CNTNAP4: variants seen among roughly 807,000 people sequenced by gnomAD.
CNTNAP4 encodes the protein contactin associated protein family member 4.
In CNTNAP4, 98 loss-of-function variants were observed where a neutral mutation model predicts 148.4. The ratio of observed to expected loss-of-function variants is 0.66; its 90% CI spans 0.56 to 0.78. The LOEUF (loss-of-function observed/expected upper bound fraction) is 0.78. Among genes scored for constraint, CNTNAP4 ranks in the 30% least tolerant of loss-of-function variants. The probability of loss-of-function intolerance (pLI) is 0.00; values close to 1 mark genes in which losing one functional copy is unlikely to be tolerated. For synonymous variants in CNTNAP4, 730 were observed against 565.1 expected (o/e 1.29, Z -4.14); for missense variants, 1,935 against 1,565.6 (o/e 1.24, Z -3.98).
intron 15 of CNTNAP4, among the ~76,000 whole-genome samples, chr16:76,502,958 C>G (rs922685980): frequency 2.2e-4 from 33 of 152,060 alleles, no homozygotes; most frequent in African/African-American, 7.2e-4. Context: ...ACTGTTGGAC[C>G]TACTAGTACC....
chr16:76,545,214 CA>C (rs1449803706), intron 21 of CNTNAP4, among the ~76,000 whole-genome samples: 2 of 152,176 alleles, frequency 1.3e-5, no homozygotes, highest in Non-Finnish European at 2.9e-5. Flanking sequence ...ATTAAAATGT[CA>C]TAGACTGTCT....
At chr16:76,345,362 C>A (rs1964815727) in intron 2 of CNTNAP4, among the ~76,000 whole-genome samples, 1 of 152,164 alleles carries the variant, frequency 6.6e-6, no homozygotes, top group Admixed American at 6.5e-5. Flanking sequence ...TCATGGAAAA[C>A]ACATTGTTTT....
chr16:76,370,832 G>A (rs13337026), intron 3 of CNTNAP4, among the ~76,000 whole-genome samples: 24 of 152,172 alleles, frequency 1.6e-4, no homozygotes, highest in African/African-American at 4.3e-4. Context: ...AAAGAAAATA[G>A]ATCAATATTT....
intron 15 of CNTNAP4, among the ~76,000 whole-genome samples, chr16:76,502,865 G>A (rs1022861818): frequency 1.3e-5 from 2 of 151,942 alleles, no homozygotes; most frequent in African/African-American, 4.8e-5. Flanking sequence ...TCACACAAAC[G>A]AGAGATATTG....
chr16:76,540,696 T>A lies in CNTNAP4; in HGVS notation c.3355-7T>A, dbSNP rs755278439. On this transcript the variant is annotated splice_region_variant and splice_polypyrimidine_tract_variant and intron_variant, in intron 20 of 23. Coordinates refer to ENST00000611870, the MANE Select transcript of CNTNAP4 (RefSeq NM_033401.5). ...GGATGTTTTTATCTTGTGTAATAAT[T>A]TTGTAGATTGACGATAATAGAAGGA... 1.5e-5 allele frequency: 24 copies of A among 1,550,286 alleles called. No individual in the cohort carries two copies. In the South Asian group the frequency reaches 2.6e-4, roughly 17 times the overall value.
intron 12 of CNTNAP4, among the ~76,000 whole-genome samples, chr16:76,482,329 C>T (rs760906932): frequency 1.3e-5 from 2 of 151,792 alleles, no homozygotes; most frequent in African/African-American, 2.4e-5. Context: ...CCAAAAATAA[C>T]GACACAGTTT....
At chr16:76,548,295 C>CTTTTT (rs66981960) in intron 21 of CNTNAP4, among the ~76,000 whole-genome samples, 9 of 92,876 alleles carry the variant, frequency 9.7e-5, no homozygotes, top group Non-Finnish European at 1.7e-4. Flanking sequence ...TTCACTGCAC[C>CTTTTT]TTTTTTTTTT....
Position 76,312,779 on chromosome 16 carries a change from G to A in CNTNAP4, c.86-3634G>A, listed in dbSNP as rs533634389. On this transcript the variant is annotated intron_variant, in intron 1 of 23. Transcript: ENST00000611870. The stretch of plus-strand genomic sequence containing the variant: ...TCACAATGAGAAGAGCAAATTAATC[G>A]AACTGTGTTCAATGATCTCATCTGC... 7.2e-5 allele frequency among the ~76,000 whole-genome samples: 11 copies of A among 152,194 alleles called. No homozygotes were observed. The South Asian group carries it at 1.5e-3, about 20-fold the overall frequency.
intron 1 of CNTNAP4, among the ~76,000 whole-genome samples, chr16:76,314,316 G>A (rs924575905): frequency 2.3e-4 from 35 of 152,284 alleles, no homozygotes; most frequent in African/African-American, 7.5e-4. Flanking sequence ...GAGCGAGTCC[G>A]CAGTGCAAAG....
At chr16:76,351,721 G>A (rs1453469621) in intron 2 of CNTNAP4, among the ~76,000 whole-genome samples, 1 of 152,194 alleles carries the variant, frequency 6.6e-6, no homozygotes, top group Non-Finnish European at 1.5e-5. Flanking sequence ...TCAATTAACT[G>A]TGAATGTTTC....
intron 4 of CNTNAP4, among the ~76,000 whole-genome samples, chr16:76,434,280 G>A (rs1597522909): frequency 6.6e-6 from 1 of 152,108 alleles, no homozygotes; most frequent in East Asian, 1.9e-4. Context: ...AAGCCACAAA[G>A]CTGGAGAGTT....
At chr16:76,549,165 A>G (rs1306816827) in intron 21 of CNTNAP4, among the ~76,000 whole-genome samples, 1 of 151,976 alleles carries the variant, frequency 6.6e-6, no homozygotes, top group African/African-American at 2.4e-5. Context: ...GAAGAATCTC[A>G]GGGGGGGATT....
chr16:76,277,543 GA>G lies in CNTNAP4; in HGVS notation c.-119del, dbSNP rs576068290. 1.2e-3 allele frequency: 759 copies of G among 641,988 alleles called. 13 individuals carry two copies. In the South Asian group the frequency reaches 0.014, roughly 11 times the overall value. The allele number at this position is 641,988 out of a possible 1,614,324, so 39.8% of individuals were successfully genotyped here. On this transcript the variant is annotated 5_prime_UTR_variant, in exon 1 of 24. Coordinates refer to ENST00000611870, the MANE Select transcript of CNTNAP4 (RefSeq NM_033401.5). ...AGGGAGGTGAGGAGGAAGGGAGGGG[GA>G]GAGACAGAGACCTAGAGGGGCTGAA...
At position 76,312,261 on chromosome 16, in the gene CNTNAP4, T is replaced by C. The variant is rs997475050; in HGVS notation, c.86-4152T>C. On this transcript the variant is annotated intron_variant, in intron 1 of 23. Transcript: ENST00000611870. ...AGATGCCAGAAGTATCCTCTCTTAG[T>C]TGTGATGACAAAAGTGTCTTCAGAT... 2.0e-5 allele frequency among the ~76,000 whole-genome samples: 3 copies of C among 152,184 alleles called. No individual in the cohort carries two copies. In the East Asian group the frequency reaches 5.8e-4, roughly 29 times the overall value.
intron 3 of CNTNAP4, among the ~76,000 whole-genome samples, chr16:76,409,007 A>T (rs1324139500): frequency 6.6e-6 from 1 of 152,010 alleles, no homozygotes; most frequent in Non-Finnish European, 1.5e-5. Context: ...ATGAGTCATT[A>T]TGTCTGTTAT....
rs147602553 is a variant in CNTNAP4 at position 76,291,569 on chromosome 16, T to A, written c.85+13822T>A. On this transcript the variant is annotated intron_variant, in intron 1 of 23. Transcript: ENST00000611870. ...TCCAGTTGTGCTGTGATTTGCTCTG[T>A]GTGTTTCTCATATCCCCTTCTCAAA... 2.6e-5 allele frequency among the ~76,000 whole-genome samples: 4 copies of A among 152,326 alleles called. No individual in the cohort carries two copies. In the East Asian group the frequency reaches 7.7e-4, roughly 29 times the overall value.
intron 7 of CNTNAP4, among the ~76,000 whole-genome samples, chr16:76,450,449 C>T (rs2080419910): frequency 6.6e-6 from 1 of 152,214 alleles, no homozygotes; most frequent in Admixed American, 6.5e-5. Flanking sequence ...TATGCCCAGC[C>T]TGCTCTGTGA....
At chr16:76,371,520 G>A (rs1171530369) in intron 3 of CNTNAP4, among the ~76,000 whole-genome samples, 1 of 152,086 alleles carries the variant, frequency 6.6e-6, no homozygotes, top group East Asian at 1.9e-4. Flanking sequence ...CCTGACCTGA[G>A]GTGATCTGCC....
intron 1 of CNTNAP4, among the ~76,000 whole-genome samples, chr16:76,311,523 A>G (rs1961107704): frequency 6.6e-6 from 1 of 152,334 alleles, no homozygotes; most frequent in Admixed American, 6.5e-5. Flanking sequence ...TTGTAGATGT[A>G]ACTAGTATAT....
Sources: allele counts gnomAD v4.1 joint callset (sites outside exome capture counted in the v4.1 genomes callset), GRCh38; gene constraint gnomAD v4.1.1; transcripts MANE v1.5; gene names NCBI Gene and HGNC (gene_info 2026-07-23, HGNC 2026-07-21).